Variants in CFAP61 observed in about 807,000 individuals in gnomAD.
CFAP61 encodes the protein cilia- and flagella-associated protein 61.
Under a neutral mutation model 135.6 loss-of-function variants are expected in CFAP61, and 107 were observed. That is an observed-to-expected ratio of 0.79 (90% CI 0.67 to 0.93). The LOEUF (loss-of-function observed/expected upper bound fraction) is 0.93. Among genes scored for constraint, CFAP61 ranks in the 40% least tolerant of loss-of-function variants. CFAP61 has a pLI of 0.00. For synonymous variants in CFAP61, 575 were observed against 578.5 expected, an observed-to-expected ratio of 0.99 and a Z score of 0.09; for missense variants, 1,507 against 1,556.2, an observed-to-expected ratio of 0.97 and a Z score of 0.53.
chr20:20,190,842 G>C (rs974877516), intron 14 of CFAP61, among the ~76,000 whole-genome samples: 1 of 152,170 alleles, frequency 6.6e-6, no homozygotes, highest in Non-Finnish European at 1.5e-5. Context: ...CCTGAGGCCA[G>C]GTATGGTGGC....
intron 25 of CFAP61, among the ~76,000 whole-genome samples, chr20:20,332,562 CA>C (rs35761994): frequency 6.6e-6 from 1 of 151,984 alleles, no homozygotes; most frequent in Non-Finnish European, 1.5e-5. Context: ...AATTCAGACA[CA>C]AAAAAAGTAA....
intron 6 of CFAP61, among the ~76,000 whole-genome samples, chr20:20,077,932 T>C (rs11907980): frequency 0.1 from 15,402 of 152,202 alleles, 2,617 homozygotes; most frequent in African/African-American, 0.35. Flanking sequence ...TAGTTAATTC[T>C]CTCTTGGATC....
In CFAP61 at chr20:20,199,783, G is replaced by A. The variant is rs867292904; in HGVS notation, c.1813G>A (p.Ala605Thr). Residue 605 changes from alanine to threonine, a missense_variant, in exon 17 of 27, where the codon GCC becomes ACC. Transcript: ENST00000245957. ...TGTCTTTCAGTTCCAGAACCCCTAC[G>A]CCCACTCCCTGACATCTGCCCTTCA... ...SREGKFQNPY[A>T]HSLTSALHYL... The A allele has an allele frequency of 6.2e-6, 10 of 1,613,826 alleles. No individual in the cohort carries two copies. Among genetic ancestry groups the A allele is most frequent in the East Asian group, 4.5e-5 (2 of 44,888 alleles).
chr20:20,109,993 G>A (rs1328208597), intron 8 of CFAP61, among the ~76,000 whole-genome samples: 2 of 150,394 alleles, frequency 1.3e-5, no homozygotes, highest in Admixed American at 6.7e-5. Flanking sequence ...TGCAACCTCC[G>A]CCTCCCAGGT....
At chr20:20,074,678 TA>T (rs2045937539) in intron 4 of CFAP61, among the ~76,000 whole-genome samples, 1 of 152,208 alleles carries the variant, frequency 6.6e-6, no homozygotes, top group African/African-American at 2.4e-5. Flanking sequence ...TGGACATTTC[TA>T]AAAACTGCTT....
chr20:20,274,984 C>A (rs937359336), intron 21 of CFAP61, among the ~76,000 whole-genome samples: 10 of 151,968 alleles, frequency 6.6e-5, no homozygotes, highest in African/African-American at 2.2e-4. Context: ...ATCCTTCTCT[C>A]CCTCCTGTGT....
chr20:20,154,934 C>T (rs1305554001), intron 9 of CFAP61, among the ~76,000 whole-genome samples: 1 of 152,044 alleles, frequency 6.6e-6, no homozygotes, highest in African/African-American at 2.4e-5. Context: ...TCCAAAAATT[C>T]ATATGGAGCC....
At chr20:20,234,010 C>T (rs761407418) in intron 18 of CFAP61, among the ~76,000 whole-genome samples, 13 of 152,192 alleles carry the variant, frequency 8.5e-5, no homozygotes, top group Admixed American at 2.0e-4. Flanking sequence ...ACACCCGCCT[C>T]CTCAGTCTTC....
At chr20:20,301,313 G>A (rs1170692150) in intron 25 of CFAP61, among the ~76,000 whole-genome samples, 1 of 152,176 alleles carries the variant, frequency 6.6e-6, no homozygotes, top group Non-Finnish European at 1.5e-5. Context: ...ATAGAAACCT[G>A]TACAAGTTTG....
chr20:20,126,380 C>G (rs757095877), intron 8 of CFAP61, among the ~76,000 whole-genome samples: 1 of 151,836 alleles, frequency 6.6e-6, no homozygotes, highest in Non-Finnish European at 1.5e-5. Flanking sequence ...ATTTAGATCT[C>G]CTTTTAGCAG....
chr20:20,255,744 G>A (rs2051493145), intron 20 of CFAP61, among the ~76,000 whole-genome samples: 1 of 152,176 alleles, frequency 6.6e-6, no homozygotes, highest in Non-Finnish European at 1.5e-5. Flanking sequence ...GAAAATAAAA[G>A]CATGCAGTCA....
chr20:20,056,093 A>G, intron 1 of CFAP61: 1 of 1,035,776 alleles, frequency 9.7e-7, no homozygotes, highest in Admixed American at 2.3e-5. Context: ...GGAACCTCTC[A>G]AAGATGTTAA....
intron 9 of CFAP61, among the ~76,000 whole-genome samples, chr20:20,148,409 G>A (rs2052093898): frequency 6.6e-6 from 1 of 152,110 alleles, no homozygotes; most frequent in South Asian, 2.1e-4. Context: ...CCATTTGTTT[G>A]TGTCATCAGT....
intron 8 of CFAP61, among the ~76,000 whole-genome samples, chr20:20,110,851 A>T (rs1482069841): frequency 6.6e-6 from 1 of 152,196 alleles, no homozygotes; most frequent in Non-Finnish European, 1.5e-5. Context: ...GCTTCAGCTC[A>T]CAGGGCTTCT....
chr20:20,201,256 T>C (rs1231734508), intron 17 of CFAP61, among the ~76,000 whole-genome samples: 1 of 152,216 alleles, frequency 6.6e-6, no homozygotes, highest in African/African-American at 2.4e-5. Context: ...CTTCATAGAC[T>C]TGTAATAGTT....
chr20:20,183,981 C>T (rs1202579187), intron 13 of CFAP61, among the ~76,000 whole-genome samples: 1 of 152,202 alleles, frequency 6.6e-6, no homozygotes, highest in Admixed American at 6.5e-5. Context: ...GACCCCTGAT[C>T]AACAGTAGAT....
chr20:20,055,534 C>T (rs7270270), intron 1 of CFAP61, among the ~76,000 whole-genome samples: 6,401 of 152,198 alleles, frequency 0.042, 491 homozygotes, highest in African/African-American at 0.15. Context: ...TGTGTCAGAT[C>T]GGCTCACATC....
intron 1 of CFAP61, among the ~76,000 whole-genome samples, chr20:20,054,876 G>A (rs1298475154): frequency 2.6e-5 from 4 of 152,146 alleles, no homozygotes; most frequent in East Asian, 3.9e-4. Flanking sequence ...GCTCTGAACT[G>A]AAGGTTCATG....
intron 17 of CFAP61, among the ~76,000 whole-genome samples, chr20:20,223,047 G>T (rs1192226938): frequency 6.6e-6 from 1 of 152,174 alleles, no homozygotes; most frequent in Non-Finnish European, 1.5e-5. Flanking sequence ...GAAGCTTTCT[G>T]TAAGAAAAGA....
Sources: allele counts gnomAD v4.1 joint callset (sites outside exome capture counted in the v4.1 genomes callset), GRCh38; gene constraint gnomAD v4.1.1; transcripts MANE v1.5; gene names NCBI Gene and HGNC (gene_info 2026-07-23, HGNC 2026-07-21).